RUNX1: variants seen among roughly 807,000 people sequenced by gnomAD.
The protein encoded by RUNX1 is RUNX family transcription factor 1, also known as runt-related transcription factor 1.
RUNX1 carries 19 observed loss-of-function variants against 42.8 expected under a neutral mutation model. That is an observed-to-expected ratio of 0.44 (90% CI 0.31 to 0.65). The LOEUF (loss-of-function observed/expected upper bound fraction) is 0.65, where lower values mean the gene tolerates loss of function less well. Among genes scored for constraint, RUNX1 ranks in the 30% least tolerant of loss-of-function variants. The probability of loss-of-function intolerance (pLI) is 0.07; values close to 1 mark genes in which losing one functional copy is unlikely to be tolerated. For missense variants in RUNX1, 528 were observed against 672.0 expected, an observed-to-expected ratio of 0.79 and a Z score of 2.37; for synonymous variants, 271 against 289.4, an observed-to-expected ratio of 0.94 and a Z score of 0.64.
chr21:34,823,010 C>A (rs1322388435), intron 7 of RUNX1, among the ~76,000 whole-genome samples: 1 of 152,210 alleles, frequency 6.6e-6, no homozygotes, highest in African/African-American at 2.4e-5. Flanking sequence ...GGAACTGGCA[C>A]AGCATAAGCT....
chr21:34,906,126 T>TA (rs1193146762), intron 2 of RUNX1, among the ~76,000 whole-genome samples: 1 of 152,228 alleles, frequency 6.6e-6, no homozygotes, highest in Non-Finnish European at 1.5e-5. Flanking sequence ...TTCTATTTTT[T>TA]AAACTAATAT....
intron 2 of RUNX1, among the ~76,000 whole-genome samples, chr21:34,970,587 T>C (rs901610704): frequency 2.0e-5 from 3 of 152,228 alleles, no homozygotes; most frequent in Non-Finnish European, 4.4e-5. Context: ...CTTCACCCTT[T>C]ACATTTTACC....
At position 35,045,518 on chromosome 21, in the gene RUNX1, T is replaced by G. The variant is rs185412581; in HGVS notation, c.58+3324A>C. On this transcript the variant is annotated intron_variant, in intron 2 of 8. Coordinates refer to ENST00000675419, the MANE Select transcript of RUNX1 (RefSeq NM_001754.5). ...AATTGGTATCCTTATAAGAAGAGAT[T>G]AGGATACAGACACACACAGAGGGAT... Among the ~76,000 whole-genome samples the G allele has an allele frequency of 1.4e-3, 218 of 152,234 alleles. 1 individual carries two copies. Among genetic ancestry groups the G allele is most frequent in the African/African-American group, 5.0e-3 (207 of 41,538 alleles).
intron 5 of RUNX1, among the ~76,000 whole-genome samples, chr21:34,860,218 GT>G (rs1341447073): frequency 6.6e-6 from 1 of 152,168 alleles, no homozygotes; most frequent in Non-Finnish European, 1.5e-5. Flanking sequence ...ATAAGTACTA[GT>G]AATAAAAAAT....
In RUNX1 at chr21:34,792,315, G is replaced by GCCCCCCCCC; in HGVS notation, c.1262_1263insGGGGGGGGG (p.Gly421_Glu422insGlyGlyGly). The GCCCCCCCCC allele has an allele frequency of 6.6e-7, 1 of 1,516,780 alleles. No individual in the cohort carries two copies. The highest frequency in any genetic ancestry group is 8.8e-7 in the Non-Finnish European group (1 of 1,130,500). 94.0% of individuals were successfully genotyped at this position (1,516,780 alleles called of 1,614,324 possible). The stretch of plus-strand genomic sequence containing the variant: ...GCAGGATGCGCGGCGGCGAGCGCTC[G>GCCCCCCCCC]CCGCCCACCATGGAGAACTGGTAGG... On this transcript the variant is annotated inframe_insertion, in exon 9 of 9. Transcript: ENST00000675419. The surrounding 1 kb of genome is among the most constrained non-coding windows in gnomAD (Gnocchi z 6.9).
intron 2 of RUNX1, among the ~76,000 whole-genome samples, chr21:34,910,218 A>T (rs2058261298): frequency 1.3e-5 from 2 of 152,144 alleles, no homozygotes. Flanking sequence ...AACCACATCC[A>T]TGTGGCTCCC....
chr21:35,032,881 C>A (rs552012310), intron 2 of RUNX1, among the ~76,000 whole-genome samples: 2 of 152,220 alleles, frequency 1.3e-5, no homozygotes, highest in Non-Finnish European at 2.9e-5. Flanking sequence ...AGTGTGGCCT[C>A]TTCTGCTTAC....
At chr21:35,024,424 ATCTC>A (rs1179664129) in intron 2 of RUNX1, among the ~76,000 whole-genome samples, 1 of 152,208 alleles carries the variant, frequency 6.6e-6, no homozygotes, top group Non-Finnish European at 1.5e-5. Context: ...ATAATTTGGA[ATCTC>A]TCTCTCATAG....
chr21:34,928,072 T>G (rs2058409630), intron 2 of RUNX1, among the ~76,000 whole-genome samples: 1 of 152,096 alleles, frequency 6.6e-6, no homozygotes, highest in African/African-American at 2.4e-5. Flanking sequence ...CACTATGGAG[T>G]GACAACATCC....
intron 2 of RUNX1, among the ~76,000 whole-genome samples, chr21:34,975,899 G>C (rs2058798017): frequency 6.6e-6 from 1 of 152,040 alleles, no homozygotes; most frequent in Non-Finnish European, 1.5e-5. Flanking sequence ...GGAGAGTTAA[G>C]GAAAGTAATT....
At chr21:34,796,066 G>A (rs1007579724) in intron 8 of RUNX1, among the ~76,000 whole-genome samples, 1 of 152,222 alleles carries the variant, frequency 6.6e-6, no homozygotes, top group Non-Finnish European at 1.5e-5. Context: ...TGGTAATGTG[G>A]TGATGGTACC....
intron 5 of RUNX1, among the ~76,000 whole-genome samples, chr21:34,870,885 G>A (rs1304545422): frequency 6.6e-6 from 1 of 152,164 alleles, no homozygotes; most frequent in Non-Finnish European, 1.5e-5. Flanking sequence ...TTGAACACAG[G>A]AGGCGGAGGC....
intron 1 of RUNX1, 83 bp downstream of exon 1, chr21:35,049,085 G>A (rs1182445199): frequency 5.8e-6 from 3 of 513,030 alleles, no homozygotes; most frequent in Non-Finnish European, 1.1e-5. Context: ...ATGCACCTTT[G>A]TAAAAACAAA....
chr21:34,990,623 T>A (rs118147034), intron 2 of RUNX1, among the ~76,000 whole-genome samples: 1 of 151,958 alleles, frequency 6.6e-6, no homozygotes, highest in East Asian at 1.9e-4. Flanking sequence ...CATTAACGGA[T>A]ATAATGTTGG....
intron 3 of RUNX1, 46 bp downstream of exon 3, chr21:34,892,879 G>A (rs1055498650): frequency 9.4e-7 from 1 of 1,063,328 alleles, no homozygotes; most frequent in African/African-American, 1.6e-5. Flanking sequence ...ACACATCTAT[G>A]AAGGTGTGTA....
chr21:34,972,634 G>C (rs911942641), intron 2 of RUNX1, among the ~76,000 whole-genome samples: 1 of 152,128 alleles, frequency 6.6e-6, no homozygotes, highest in Admixed American at 6.5e-5. Flanking sequence ...TCTCTTGATT[G>C]ATCTTCTGTA....
Position 34,843,191 on chromosome 21 carries a change from C to T in RUNX1, c.614-8590G>A, listed in dbSNP as rs1383493351. ...GCATGTAAACACATACAGACACACA[C>T]ATACACAGACACCTGGACACACACA... On this transcript the variant is annotated intron_variant, in intron 6 of 8. Transcript: ENST00000675419. This position sits in a 1 kb window ranked among gnomAD's most constrained non-coding sequence, Gnocchi z 4.8. Among the ~76,000 whole-genome samples, 1 of 152,112 alleles carries T rather than the reference C, an allele frequency of 6.6e-6. No individual in the cohort carries two copies. The highest frequency in any genetic ancestry group is 2.4e-5 in the African/African-American group (1 of 41,384).
At chr21:34,840,435 G>C (rs758240450) in intron 6 of RUNX1, among the ~76,000 whole-genome samples, 4 of 152,154 alleles carry the variant, frequency 2.6e-5, no homozygotes, top group Non-Finnish European at 4.4e-5. Context: ...CTGAGGCTCC[G>C]TATCTGGAAG....
intron 8 of RUNX1, among the ~76,000 whole-genome samples, chr21:34,795,748 CTTGTT>C (rs1398168864): frequency 6.6e-6 from 1 of 152,186 alleles, no homozygotes; most frequent in Non-Finnish European, 1.5e-5. Context: ...CCCTGTGTCA[CTTGTT>C]TTTGCTGACA....
Sources: allele counts gnomAD v4.1 joint callset (sites outside exome capture counted in the v4.1 genomes callset), GRCh38; gene constraint gnomAD v4.1.1; non-coding constraint Gnocchi (gnomAD v3.1); transcripts MANE v1.5; gene names NCBI Gene and HGNC (gene_info 2026-07-23, HGNC 2026-07-21).